The following NF2 variants were observed in gnomAD, a reference collection of about 807,000 sequenced individuals.
NF2 encodes the protein NF2, moesin-ezrin-radixin like (MERLIN) tumor suppressor.
NF2 carries 8 observed loss-of-function variants against 83.7 expected under a neutral mutation model. The ratio of observed to expected loss-of-function variants is 0.10; its 90% CI spans 0.06 to 0.17. The LOEUF is 0.17. NF2 is among the 10% of genes least tolerant of loss of function. The pLI is 1.00. For missense variants in NF2, 533 were observed against 744.4 expected (o/e 0.72, Z 3.31); for synonymous variants, 266 against 269.6 (o/e 0.99, Z 0.13).
chr22:29,681,308 G>T, intron 14 of NF2, 131 bp from the exon 15 acceptor site: 1 of 1,047,188 alleles, frequency 9.5e-7, no homozygotes, highest in Non-Finnish European at 1.5e-6. Flanking sequence ...CCTGTGAGTG[G>T]CCAAGTAGAG....
intron 1 of NF2, among the ~76,000 whole-genome samples, chr22:29,630,260 T>A (rs2065473342): frequency 6.6e-6 from 1 of 152,228 alleles, no homozygotes; most frequent in African/African-American, 2.4e-5. Context: ...AGAAAAGTAC[T>A]GCATTCCAGC....
intron 15 of NF2, among the ~76,000 whole-genome samples, chr22:29,682,827 CAATGAGCAGTGCCCTCAGCCACAGA>C (rs1347050608): frequency 6.6e-6 from 1 of 152,282 alleles, no homozygotes; most frequent in East Asian, 1.9e-4. Context: ...ACTGCTGCTG[CAATGAGCAGTGCCCTCAGCCACAGA>C]AACCTGCAGT....
chr22:29,671,892 T>C lies in NF2; in HGVS notation c.1066T>C (p.Leu356=), dbSNP rs1178334764. Residue 356 remains leucine (L), a synonymous_variant, in exon 11 of 16, where the codon TTG becomes CTG. Transcript: ENST00000338641. ...GGAGGCTGAACGCACGAGGGATGAG[T>C]TGGAGAGGAGGCTGCTGCAGATGAA... The part of the protein sequence containing the change: ...REEAERTRDE[L]ERRLLQMKEE... 1 of 1,613,824 alleles carries C rather than the reference T, an allele frequency of 6.2e-7. No individual in the cohort carries two copies. The highest frequency in any genetic ancestry group is 1.1e-5 in the South Asian group (1 of 91,040).
At chr22:29,669,366 C>T (rs941790998) in intron 10 of NF2, among the ~76,000 whole-genome samples, 5 of 152,032 alleles carry the variant, frequency 3.3e-5, no homozygotes, top group East Asian at 1.9e-4. Flanking sequence ...ATGAAGAGCT[C>T]GTGGCAGTGG....
At chr22:29,637,355 G>C (rs980456747) in intron 2 of NF2, among the ~76,000 whole-genome samples, 22 of 152,178 alleles carry the variant, frequency 1.4e-4, no homozygotes, top group Non-Finnish European at 2.9e-5. Context: ...CTGGTCCCCA[G>C]GGTGAAAGAA....
chr22:29,672,057 C>G (rs2147075761), intron 11 of NF2, 109 bp downstream of exon 11: 1 of 1,495,710 alleles, frequency 6.7e-7, no homozygotes, highest in Non-Finnish European at 9.2e-7. Flanking sequence ...CTTTGAAATA[C>G]TTAATTTCAG....
upstream of NF2, chr22:29,603,622 A>G (rs2064699123): frequency 5.0e-6 from 2 of 401,170 alleles, no homozygotes; most frequent in African/African-American, 2.1e-5. Flanking sequence ...CGCCCGATGC[A>G]GCGCGGCCCC....
intron 10 of NF2, among the ~76,000 whole-genome samples, chr22:29,671,524 G>C (rs2066786239): frequency 6.6e-6 from 1 of 152,018 alleles, no homozygotes; most frequent in South Asian, 2.1e-4. Flanking sequence ...GCAAAACTCT[G>C]TCCCCTCCAC....
At chr22:29,666,205 A>G (rs1351615801) in intron 9 of NF2, among the ~76,000 whole-genome samples, 1 of 151,986 alleles carries the variant, frequency 6.6e-6, no homozygotes, top group Non-Finnish European at 1.5e-5. Context: ...CCCAGGCACA[A>G]TCTCGGCTCA....
intron 9 of NF2, among the ~76,000 whole-genome samples, chr22:29,665,947 A>G (rs1181219901): frequency 6.6e-6 from 1 of 152,122 alleles, no homozygotes; most frequent in African/African-American, 2.4e-5. Flanking sequence ...CAAAAGAAAA[A>G]TACCATTCAA....
chr22:29,624,204 T>C (rs1304703715), intron 1 of NF2, among the ~76,000 whole-genome samples: 1 of 152,112 alleles, frequency 6.6e-6, no homozygotes, highest in Non-Finnish European at 1.5e-5. Context: ...ATAGGGTTTT[T>C]TTTGTTTTGT....
intron 1 of NF2, among the ~76,000 whole-genome samples, chr22:29,619,823 T>G (rs987051602): frequency 6.6e-6 from 1 of 152,172 alleles, no homozygotes; most frequent in African/African-American, 2.4e-5. Context: ...TGCTGGCTAG[T>G]GCTGCCCTCC....
intron 15 of NF2, among the ~76,000 whole-genome samples, chr22:29,693,196 C>T (rs1463238058): frequency 6.6e-6 from 1 of 152,188 alleles, no homozygotes; most frequent in East Asian, 1.9e-4. Context: ...GGCCCTTCTC[C>T]TCTGATTACA....
chr22:29,657,181 C>T (rs1370476833), intron 6 of NF2, among the ~76,000 whole-genome samples: 3 of 152,104 alleles, frequency 2.0e-5, no homozygotes, highest in African/African-American at 4.8e-5. Flanking sequence ...CAACCAGTCT[C>T]CTGATTTTTA....
At chr22:29,633,677 A>C (rs1035128307) in intron 1 of NF2, among the ~76,000 whole-genome samples, 1 of 152,174 alleles carries the variant, frequency 6.6e-6, no homozygotes, top group Non-Finnish European at 1.5e-5. Flanking sequence ...CATTCCCGCC[A>C]TGCCACCTCC....
At chr22:29,662,760 G>A (rs1387368498) in intron 8 of NF2, among the ~76,000 whole-genome samples, 2 of 152,206 alleles carry the variant, frequency 1.3e-5, no homozygotes, top group South Asian at 4.1e-4. Context: ...CAGAGATTAG[G>A]AGCCAGAGTT....
At chr22:29,665,644 G>T (rs578131486) in intron 9 of NF2, among the ~76,000 whole-genome samples, 1 of 152,090 alleles carries the variant, frequency 6.6e-6, no homozygotes, top group South Asian at 2.1e-4. Context: ...GTGAATAGCT[G>T]TGTACCCACA....
At position 29,697,484 on chromosome 22, in the gene NF2, C is replaced by T. The variant is rs1406276368; in HGVS notation, c.*2682C>T. ...AGAGGAGGATGGGCCTCAGGAGCAT[C>T]TCAAGCCCCAGTAGCAGGAGAAAGA... On this transcript the variant is annotated 3_prime_UTR_variant, in exon 16 of 16. Coordinates refer to ENST00000338641, the MANE Select transcript of NF2 (RefSeq NM_000268.4). The T allele has an allele frequency of 5.4e-6, 1 of 185,770 alleles. No homozygotes were observed. The highest frequency in any genetic ancestry group is 1.1e-5 in the Non-Finnish European group (1 of 87,944). The allele number at this position is 185,770 out of a possible 1,614,324, so 11.5% of individuals were successfully genotyped here.
intron 1 of NF2, among the ~76,000 whole-genome samples, chr22:29,630,905 G>A (rs566603377): frequency 6.6e-6 from 1 of 152,270 alleles, no homozygotes; most frequent in Non-Finnish European, 1.5e-5. Flanking sequence ...CAAGTGGCAC[G>A]AGTGCAGGGC....
Sources: allele counts gnomAD v4.1 joint callset (sites outside exome capture counted in the v4.1 genomes callset), GRCh38; gene constraint gnomAD v4.1.1; transcripts MANE v1.5; gene names NCBI Gene and HGNC (gene_info 2026-07-23, HGNC 2026-07-21).